The following LRRC20 variants were observed in gnomAD, a reference collection of about 807,000 sequenced individuals.
LRRC20 encodes leucine-rich repeat-containing protein 20.
In LRRC20, 11 loss-of-function variants were observed where a neutral mutation model predicts 14.4. That is an observed-to-expected ratio of 0.77 (90% CI 0.48 to 1.27). The LOEUF is 1.27. Among genes scored for constraint, LRRC20 ranks in the 50% most tolerant of loss-of-function variants. The probability of loss-of-function intolerance (pLI) is 0.00; values close to 1 mark genes in which losing one functional copy is unlikely to be tolerated. For missense variants in LRRC20, 219 were observed against 251.2 expected (o/e 0.87, Z 0.87); for synonymous variants, 121 against 107.3 (o/e 1.13, Z -0.79).
At chr10:70,336,053 CG>C (rs1305229924) in intron 3 of LRRC20, among the ~76,000 whole-genome samples, 8 of 152,288 alleles carry the variant, frequency 5.3e-5, no homozygotes, top group Admixed American at 2.6e-4. Context: ...GGGGCTCCTC[CG>C]GGGCCACGTC....
chr10:70,330,691 G>C (rs1403367291), intron 3 of LRRC20, among the ~76,000 whole-genome samples: 2 of 152,194 alleles, frequency 1.3e-5, no homozygotes, highest in African/African-American at 4.8e-5. Context: ...CTGATGGGGT[G>C]GGGAGGCACC....
intron 2 of LRRC20, among the ~76,000 whole-genome samples, chr10:70,356,782 C>T (rs749664350): frequency 9.9e-5 from 15 of 151,786 alleles, no homozygotes; most frequent in Admixed American, 2.0e-4. Flanking sequence ...ACCCAGGAGG[C>T]GGAGGTTGCA....
chr10:70,354,290 C>T (rs1270376206), intron 2 of LRRC20, among the ~76,000 whole-genome samples: 1 of 152,110 alleles, frequency 6.6e-6, no homozygotes, highest in East Asian at 1.9e-4. Flanking sequence ...ACCATCACCT[C>T]TCAAACTAAA....
chr10:70,338,822 G>A (rs1303549908), intron 3 of LRRC20, among the ~76,000 whole-genome samples: 8 of 152,224 alleles, frequency 5.3e-5, no homozygotes, highest in Non-Finnish European at 5.9e-5. Flanking sequence ...CACCACACCC[G>A]GCTAATTTTT....
Position 70,323,936 on chromosome 10 carries a change from GA to G in LRRC20, c.326del (p.Phe109SerfsTer25). On this transcript the variant is annotated frameshift_variant, in exon 4 of 5. Coordinates refer to ENST00000446961, the MANE Select transcript of LRRC20 (RefSeq NM_001278212.2). LOFTEE classifies it high-confidence loss of function. The stretch of plus-strand genomic sequence containing the variant: ...CGGTAAGCTGCTCAGGGAAGTCCTG[GA>G]ACTGGTTCCGGGACAGGTCAATGGC... Reference protein sequence around the residue: ...LKAIDLSRNQFQDFPEQLTAL... With the variant: ...LKAIDLSRNQXQDFPEQLTAL... 1 of 1,614,240 alleles carries G rather than the reference GA, an allele frequency of 6.2e-7. No homozygotes were observed. Among genetic ancestry groups the G allele is most frequent in the Non-Finnish European group, 8.5e-7 (1 of 1,180,046 alleles).
intron 2 of LRRC20, among the ~76,000 whole-genome samples, chr10:70,356,829 C>T (rs1303711559): frequency 6.6e-6 from 1 of 151,818 alleles, no homozygotes; most frequent in Non-Finnish European, 1.5e-5. Flanking sequence ...CCAGCCTGGG[C>T]AACAGAATGA....
At chr10:70,323,303 C>T (rs1842169135) in intron 4 of LRRC20, among the ~76,000 whole-genome samples, 1 of 152,148 alleles carries the variant, frequency 6.6e-6, no homozygotes, top group Non-Finnish European at 1.5e-5. Flanking sequence ...TTCCTGACCT[C>T]AGCAGAACCC....
Position 70,306,151 on chromosome 10 carries a change from CT to C in LRRC20, c.401-4644del, listed in dbSNP as rs1564609180. Among the ~76,000 whole-genome samples the C allele has an allele frequency of 8.6e-5, 13 of 151,910 alleles. No individual in the cohort carries two copies. The South Asian group carries it at 1.5e-3, about 17-fold the overall frequency. The stretch of plus-strand genomic sequence containing the variant: ...CTCCCCCACCCCACACACACACACG[CT>C]TTTTTTCTGAATCATTTGAGTGTAC... On this transcript the variant is annotated intron_variant, in intron 4 of 4. Coordinates refer to ENST00000446961, the MANE Select transcript of LRRC20 (RefSeq NM_001278212.2).
chr10:70,377,817 A>G (rs1844565370), intron 1 of LRRC20, among the ~76,000 whole-genome samples: 1 of 152,242 alleles, frequency 6.6e-6, no homozygotes, highest in African/African-American at 2.4e-5. Context: ...AGTTACTGTG[A>G]GTTTAGTATG....
At chr10:70,352,736 G>A (rs1843359088) in intron 2 of LRRC20, among the ~76,000 whole-genome samples, 1 of 152,158 alleles carries the variant, frequency 6.6e-6, no homozygotes, top group Admixed American at 6.5e-5. Flanking sequence ...TGAACCTTGT[G>A]AACCTAACAC....
chr10:70,359,925 T>C (rs931152803), intron 2 of LRRC20, among the ~76,000 whole-genome samples: 3 of 149,786 alleles, frequency 2.0e-5, no homozygotes, highest in African/African-American at 5.0e-5. Context: ...TTTTCTTTTT[T>C]TTTTTTTTTG....
At chr10:70,312,829 G>A (rs375800695) in intron 4 of LRRC20, among the ~76,000 whole-genome samples, 11 of 152,346 alleles carry the variant, frequency 7.2e-5, no homozygotes, top group East Asian at 3.9e-4. Context: ...CTAGTGAGGT[G>A]CAGGAAGTAT....
At chr10:70,363,171 G>A (rs368113606) in intron 2 of LRRC20, among the ~76,000 whole-genome samples, 3 of 150,858 alleles carry the variant, frequency 2.0e-5, no homozygotes, top group Non-Finnish European at 4.4e-5. Flanking sequence ...CCAGCTACTC[G>A]AGAGGCTGAG....
intron 1 of LRRC20, among the ~76,000 whole-genome samples, chr10:70,378,339 A>C (rs1844582553): frequency 6.6e-6 from 1 of 152,062 alleles, no homozygotes; most frequent in African/African-American, 2.4e-5. Flanking sequence ...ATTATTTATG[A>C]GCTTTTAAAT....
intron 4 of LRRC20, among the ~76,000 whole-genome samples, chr10:70,310,203 G>A (rs1841600236): frequency 6.6e-6 from 1 of 152,222 alleles, no homozygotes; most frequent in Non-Finnish European, 1.5e-5. Flanking sequence ...GGGAGTTTCT[G>A]GATAAAGCTG....
intron 4 of LRRC20, among the ~76,000 whole-genome samples, chr10:70,310,896 T>C (rs1417658610): frequency 6.6e-6 from 1 of 152,190 alleles, no homozygotes; most frequent in African/African-American, 2.4e-5. Context: ...GTAATCTAAT[T>C]TAGAAAATGC....
At chr10:70,321,967 C>A (rs1015982095) in intron 4 of LRRC20, among the ~76,000 whole-genome samples, 3 of 152,232 alleles carry the variant, frequency 2.0e-5, no homozygotes, top group Non-Finnish European at 4.4e-5. Context: ...GCCAAAACAG[C>A]CGATCTTTGC....
At chr10:70,316,940 C>T (rs533449679) in intron 4 of LRRC20, among the ~76,000 whole-genome samples, 9 of 152,212 alleles carry the variant, frequency 5.9e-5, no homozygotes, top group South Asian at 2.1e-4. Context: ...GCTACCACCT[C>T]GGAGGGCAAG....
intron 2 of LRRC20, among the ~76,000 whole-genome samples, chr10:70,367,684 C>T (rs1844066735): frequency 6.6e-6 from 1 of 152,020 alleles, no homozygotes; most frequent in Non-Finnish European, 1.5e-5. Flanking sequence ...CAGTGACTCC[C>T]AGGTACCAGG....
Sources: allele counts gnomAD v4.1 joint callset (sites outside exome capture counted in the v4.1 genomes callset), GRCh38; gene constraint gnomAD v4.1.1; transcripts MANE v1.5; gene names NCBI Gene and HGNC (gene_info 2026-07-23, HGNC 2026-07-21).